Variants in SMYD3 observed in about 807,000 individuals in gnomAD.
SMYD3 encodes the protein SET and MYND domain containing 3, also known as histone-lysine N-methyltransferase SMYD3.
In SMYD3, 36 loss-of-function variants were observed where a neutral mutation model predicts 57.7. The observed-to-expected ratio is 0.62, with a 90% CI of 0.48 to 0.82. The LOEUF (loss-of-function observed/expected upper bound fraction) is 0.82. Among genes scored for constraint, SMYD3 ranks in the 40% least tolerant of loss-of-function variants. The probability of loss-of-function intolerance (pLI) is 0.00; values close to 1 mark genes in which losing one functional copy is unlikely to be tolerated. For missense variants in SMYD3, 515 were observed against 538.8 expected (o/e 0.96, Z 0.44); for synonymous variants, 211 against 195.0 (o/e 1.08, Z -0.68).
intron 1 of SMYD3, among the ~76,000 whole-genome samples, chr1:246,466,006 G>C (rs529161543): frequency 5.3e-5 from 8 of 152,276 alleles, no homozygotes; most frequent in African/African-American, 1.9e-4. Context: ...TCCTGGCCTC[G>C]TGTGATCCAC....
chr1:245,857,747 C>G (rs138974067), intron 10 of SMYD3, among the ~76,000 whole-genome samples: 1 of 152,288 alleles, frequency 6.6e-6, no homozygotes, highest in African/African-American at 2.4e-5. Context: ...TTGGGCTGCT[C>G]TCCGTCTCAC....
intron 9 of SMYD3, among the ~76,000 whole-genome samples, chr1:245,863,361 A>C (rs2051657987): frequency 6.6e-6 from 1 of 152,180 alleles, no homozygotes; most frequent in South Asian, 2.1e-4. Context: ...GTCGTGCAGC[A>C]ATCCCCACTG....
At chr1:245,936,949 T>G (rs1326945362) in intron 5 of SMYD3, among the ~76,000 whole-genome samples, 2 of 152,186 alleles carry the variant, frequency 1.3e-5, no homozygotes, top group African/African-American at 4.8e-5. Flanking sequence ...AACTAAAAAT[T>G]TGTCTTTATA....
chr1:246,325,646 AAAG>A lies in SMYD3; in HGVS notation c.531+1552_531+1554del, dbSNP rs566406919. ...ACATGAGACTAAAATCTTCAGAAAG[AAAG>A]AAGAACTAGGATAGTAATTCACATT... On this transcript the variant is annotated intron_variant, in intron 5 of 11. Transcript: ENST00000490107. 7.2e-5 allele frequency among the ~76,000 whole-genome samples: 11 copies of A among 152,332 alleles called. No individual in the cohort carries two copies. The South Asian group carries it at 1.0e-3, about 14-fold the overall frequency.
chr1:246,490,310 A>C (rs1316298509), intron 1 of SMYD3, among the ~76,000 whole-genome samples: 4 of 152,228 alleles, frequency 2.6e-5, no homozygotes, highest in African/African-American at 9.6e-5. Context: ...ATAATAATCA[A>C]GAGAAGGAGT....
At chr1:245,882,275 T>C (rs940786561) in intron 8 of SMYD3, among the ~76,000 whole-genome samples, 1 of 152,138 alleles carries the variant, frequency 6.6e-6, no homozygotes, top group African/African-American at 2.4e-5. Flanking sequence ...GCACGCTGCT[T>C]GGGAAACACT....
intron 10 of SMYD3, among the ~76,000 whole-genome samples, chr1:245,812,700 C>CAAAAAAAAAA (rs201426225): frequency 0.11 from 4,966 of 45,906 alleles, 431 homozygotes; most frequent in African/African-American, 0.26. Flanking sequence ...AACAACAGTT[C>CAAAAAAAAAA]CAAAAAAAAA....
At position 246,456,021 on chromosome 1, in the gene SMYD3, A is replaced by G. The variant is rs564546652; in HGVS notation, c.164+51033T>C. Among the ~76,000 whole-genome samples, 12 of 152,306 alleles carry G rather than the reference A, an allele frequency of 7.9e-5. 1 individual carries two copies. Among genetic ancestry groups the G allele is most frequent in the African/African-American group, 2.4e-4 (10 of 41,568 alleles). On this transcript the variant is annotated intron_variant, in intron 1 of 11. Transcript: ENST00000490107. The stretch of plus-strand genomic sequence containing the variant: ...GGGAAAAACTATGCAAAAATACATC[A>G]ATAACCTATATTAAAACAGTACAAT...
intron 2 of SMYD3, among the ~76,000 whole-genome samples, chr1:246,351,827 A>C (rs2148700292): frequency 6.6e-6 from 1 of 152,214 alleles, no homozygotes. Context: ...ATATCCTTGT[A>C]TTGCTTATGT....
chr1:245,991,417 C>A (rs1327090185), intron 5 of SMYD3, among the ~76,000 whole-genome samples: 1 of 152,346 alleles, frequency 6.6e-6, no homozygotes, highest in South Asian at 2.1e-4. Context: ...CTTAAAGCAA[C>A]CAGCTAAGTG....
At chr1:245,883,464 T>C (rs2052904965) in intron 8 of SMYD3, among the ~76,000 whole-genome samples, 1 of 152,212 alleles carries the variant, frequency 6.6e-6, no homozygotes, top group Non-Finnish European at 1.5e-5. Flanking sequence ...TCTACCACTT[T>C]TCTTTCATTT....
At chr1:246,429,868 C>T (rs879049685) in intron 1 of SMYD3, among the ~76,000 whole-genome samples, 11 of 15,558 alleles carry the variant, frequency 7.1e-4, no homozygotes, top group Admixed American at 1.4e-3. Context: ...ATACGAGAAA[C>T]GGTAACTCCT....
At chr1:245,916,665 C>T (rs1348649983) in intron 7 of SMYD3, among the ~76,000 whole-genome samples, 1 of 152,180 alleles carries the variant, frequency 6.6e-6, no homozygotes, top group Non-Finnish European at 1.5e-5. Flanking sequence ...TCCAGTGCCA[C>T]CATCCTGGTC....
intron 5 of SMYD3, among the ~76,000 whole-genome samples, chr1:246,049,638 A>G (rs2148321784): frequency 6.6e-6 from 1 of 152,286 alleles, no homozygotes; most frequent in Non-Finnish European, 1.5e-5. Flanking sequence ...AAAACACAGT[A>G]TGTATTTAAC....
intron 9 of SMYD3, among the ~76,000 whole-genome samples, chr1:245,863,336 A>C (rs2051656382): frequency 6.6e-6 from 1 of 152,156 alleles, no homozygotes; most frequent in Non-Finnish European, 1.5e-5. Context: ...ATTACTATTC[A>C]TGCTGAGAAA....
intron 7 of SMYD3, among the ~76,000 whole-genome samples, chr1:245,917,830 C>T (rs993289072): frequency 4.6e-5 from 7 of 152,146 alleles, no homozygotes; most frequent in African/African-American, 1.7e-4. Flanking sequence ...AGCAAGAAGG[C>T]AGGATTATCC....
At chr1:246,371,652 C>G (rs1320809330) in intron 1 of SMYD3, among the ~76,000 whole-genome samples, 1 of 152,154 alleles carries the variant, frequency 6.6e-6, no homozygotes, top group Non-Finnish European at 1.5e-5. Flanking sequence ...TCAATATTTT[C>G]ATAACATACT....
rs549106550 is a variant in SMYD3 at position 246,241,817 on chromosome 1, T to C, written c.531+85384A>G. 2.5e-4 allele frequency among the ~76,000 whole-genome samples: 38 copies of C among 152,318 alleles called. No homozygotes were observed. The South Asian group carries it at 6.2e-3, about 25-fold the overall frequency. ...GATTCAACTTCTTCCTGGTTTAGTC[T>C]TGGGAGAGTGTATCTGTCGAGGAAT... On this transcript the variant is annotated intron_variant, in intron 5 of 11. Coordinates refer to ENST00000490107, the MANE Select transcript of SMYD3 (RefSeq NM_001167740.2).
intron 5 of SMYD3, among the ~76,000 whole-genome samples, chr1:246,213,218 C>T (rs1462183596): frequency 6.6e-6 from 1 of 152,276 alleles, no homozygotes; most frequent in Non-Finnish European, 1.5e-5. Context: ...TTACCTGTGA[C>T]TATGGATGCT....
Sources: allele counts gnomAD v4.1 joint callset (sites outside exome capture counted in the v4.1 genomes callset), GRCh38; gene constraint gnomAD v4.1.1; transcripts MANE v1.5; gene names NCBI Gene and HGNC (gene_info 2026-07-23, HGNC 2026-07-21).